MAN2B1: variants seen among roughly 807,000 people sequenced by gnomAD.
MAN2B1 encodes mannosidase alpha class 2B member 1.
MAN2B1 carries 99 observed loss-of-function variants against 127.5 expected under a neutral mutation model. The ratio of observed to expected loss-of-function variants is 0.78; its 90% CI spans 0.66 to 0.92. The LOEUF (loss-of-function observed/expected upper bound fraction) is 0.92. Among genes scored for constraint, MAN2B1 ranks in the 40% least tolerant of loss-of-function variants. MAN2B1 has a pLI of 0.00. For synonymous variants in MAN2B1, 573 were observed against 568.8 expected (o/e 1.01, Z -0.11); for missense variants, 1,304 against 1,384.8 (o/e 0.94, Z 0.93).
intron 5 of MAN2B1, 106 bp from the exon 6 acceptor site, chr19:12,663,568 T>C (rs533637727): frequency 1.9e-6 from 3 of 1,561,094 alleles, no homozygotes; most frequent in South Asian, 1.1e-5. Flanking sequence ...TGTGTCCCAA[T>C]GCAAAAGGAA....
rs201448121 is a variant in MAN2B1, at chr19:12,663,748, G to A, written c.718C>T (p.Arg240Trp). The A allele has an allele frequency of 2.0e-4, 318 of 1,613,972 alleles. No homozygotes were observed. The highest frequency in any genetic ancestry group is 2.3e-4 in the Non-Finnish European group (266 of 1,179,972). ...GGGGGCTTCAGGCTGGTGCTGGCCC[G>A]CCACACCTGCTCCATCTCCAGCTTC... ...MQKLEMEQVWRASTSLKPPTA... is the reference protein window; with the variant it reads ...MQKLEMEQVWWASTSLKPPTA... Residue 240 changes from arginine to tryptophan, a missense_variant, in exon 5 of 24, where the codon CGG (arginine) becomes TGG (tryptophan). Coordinates refer to ENST00000456935, the MANE Select transcript of MAN2B1 (RefSeq NM_000528.4).
rs997573708 is a variant in MAN2B1, at chr19:12,647,983, T to C, written c.2664+192A>G. On this transcript the variant is annotated intron_variant, in intron 21 of 23. Coordinates refer to ENST00000456935, the MANE Select transcript of MAN2B1 (RefSeq NM_000528.4). This position sits in a 1 kb window ranked among gnomAD's most constrained non-coding sequence, Gnocchi z 4.9. ...TAGGGGCATGAGCTAGGGCTGTGCC[T>C]CTACACAGTCCAGGGGGGTTGGGAC... Among the ~76,000 whole-genome samples the C allele has an allele frequency of 2.0e-5, 3 of 151,954 alleles. No individual in the cohort carries two copies. Among genetic ancestry groups the C allele is most frequent in the African/African-American group, 7.3e-5 (3 of 41,358 alleles).
In MAN2B1 at chr19:12,658,510, G is replaced by C. The variant is rs1446601182; in HGVS notation, c.1027C>G (p.Gln343Glu). The change falls in exon 8 of 24, where the codon CAG becomes GAG. Residue 343 changes from glutamine (Q) to glutamate (E), a missense_variant and splice_region_variant. Physicochemically the swap from Gln to Glu is conservative, Grantham distance 29. Coordinates refer to ENST00000456935, the MANE Select transcript of MAN2B1 (RefSeq NM_000528.4). ...ACATGGACACTGCTTCCTTTTGCCT[G>C]CTGCTGGGGGAGGCGACGGAGTGAG... Reference protein sequence around the residue: ...DKLIRLVNAQQAKGSSVHVLY... With the variant: ...DKLIRLVNAQEAKGSSVHVLY... 6.2e-7 allele frequency: 1 copy of C among 1,614,068 alleles called. No homozygotes were observed. The highest frequency in any genetic ancestry group is 8.5e-7 in the Non-Finnish European group (1 of 1,180,002).
intron 14 of MAN2B1, among the ~76,000 whole-genome samples, chr19:12,653,006 G>C (rs536710377): frequency 1.3e-5 from 2 of 151,120 alleles, no homozygotes; most frequent in South Asian, 2.1e-4. Context: ...GCTAATTTTT[G>C]TATTTTTAGT....
rs1180735800 is a variant in MAN2B1, at chr19:12,666,657, G to A, written c.45C>T (p.Cys15=). The A allele has an allele frequency of 6.4e-7, 1 of 1,552,514 alleles. No individual in the cohort carries two copies. Among genetic ancestry groups the A allele is most frequent in the Admixed American group, 2.0e-5 (1 of 51,154 alleles). ...TGGTCCAGGGGCCTGCTGAGTCCAG[G>A]CAGCCGCGAGCGCAGACCCCCGAAG... ...ARASGVCARG[C]LDSAGPWTMS... is the part of the protein sequence containing the mutation. The change falls in exon 1 of 24, where the codon TGC becomes TGT. Residue 15 remains cysteine, a synonymous_variant. Transcript: ENST00000456935.
At chr19:12,663,530 T>C (rs2024158271) in intron 5 of MAN2B1, 68 bp from the exon 6 acceptor site, 12 of 1,598,988 alleles carry the variant, frequency 7.5e-6, no homozygotes, top group Non-Finnish European at 1.0e-5. Context: ...AAGCCGGCCA[T>C]GTCCCACCCA....
intron 5 of MAN2B1, 58 bp downstream of exon 5, chr19:12,663,645 C>T (rs2024160780): frequency 6.4e-7 from 1 of 1,568,478 alleles, no homozygotes; most frequent in Non-Finnish European, 8.6e-7. Flanking sequence ...ATATCAAGCC[C>T]AGGGCCCTTC....
intron 4 of MAN2B1, among the ~76,000 whole-genome samples, chr19:12,664,476 C>G (rs2024179725): frequency 6.6e-6 from 1 of 152,222 alleles, no homozygotes. Context: ...TTAAGGCAGC[C>G]TAGGCATCCA....
In MAN2B1 at chr19:12,654,409, T is replaced by C. The variant is rs185727382; in HGVS notation, c.1830+1285A>G. On this transcript the variant is annotated intron_variant, in intron 14 of 23. Coordinates refer to ENST00000456935, the MANE Select transcript of MAN2B1 (RefSeq NM_000528.4). ...TTCCAGGGCCAGTGCAGTCAACCCC[T>C]TCCAGGTCCCTGCACTTCCACACTG... 3.5e-4 allele frequency among the ~76,000 whole-genome samples: 53 copies of C among 152,218 alleles called. No individual in the cohort carries two copies. In the East Asian group the frequency reaches 6.4e-3, roughly 18 times the overall value.
chr19:12,666,545 C>T lies in MAN2B1; in HGVS notation c.157G>A (p.Glu53Lys). 1 of 1,582,122 alleles carries T rather than the reference C, an allele frequency of 6.3e-7. No individual in the cohort carries two copies. Among genetic ancestry groups the T allele is most frequent in the Non-Finnish European group, 8.6e-7 (1 of 1,164,404 alleles). The change falls in exon 1 of 24, where the codon GAG becomes AAG. Residue 53 changes from glutamate to lysine, a missense_variant and splice_region_variant. Physicochemically the swap from Glu to Lys is moderately conservative, Grantham distance 56. Transcript: ENST00000456935. ...AAAGARAGGY[E>K]TCPTVQPNML... ...TTCAGCTCGGAGGCCCCACTCACCTCGTATCCCCCGGCCCGAGCACCGGCA... is the reference window on the plus strand; with the variant it reads ...TTCAGCTCGGAGGCCCCACTCACCTTGTATCCCCCGGCCCGAGCACCGGCA...
At chr19:12,657,137 C>T in intron 11 of MAN2B1, 81 bp from the exon 12 acceptor site, 1 of 859,168 alleles carries the variant, frequency 1.2e-6, no homozygotes. Context: ...CGCCCCGTTC[C>T]GGTCTCTGTC....
At chr19:12,656,822 G>A in intron 12 of MAN2B1, 127 bp downstream of exon 12, 1 of 1,038,760 alleles carries the variant, frequency 9.6e-7, no homozygotes, top group South Asian at 1.3e-5. Context: ...GAGATGCGTT[G>A]TTCTCTCTGC....
chr19:12,651,530 C>A (rs993017793), intron 16 of MAN2B1, among the ~76,000 whole-genome samples: 2 of 152,222 alleles, frequency 1.3e-5, no homozygotes, highest in African/African-American at 4.8e-5. Context: ...ATTCTAGTCA[C>A]AGTTAATTTG....
chr19:12,657,677 G>T (rs758108616), intron 10 of MAN2B1, 122 bp from the exon 11 acceptor site: 19 of 882,364 alleles, frequency 2.2e-5, no homozygotes, highest in Non-Finnish European at 3.2e-5. Flanking sequence ...ACTCGAGGAC[G>T]GCTGGGGGCG....
Position 12,649,445 on chromosome 19 carries a change from GCT to G in MAN2B1, c.2268-19_2268-18del. 2 of 1,489,864 alleles carry G rather than the reference GCT, an allele frequency of 1.3e-6. No individual in the cohort carries two copies. Among genetic ancestry groups the G allele is most frequent in the Non-Finnish European group, 1.9e-6 (2 of 1,071,492 alleles). 92.3% of individuals were successfully genotyped at this position (1,489,864 alleles called of 1,614,324 possible). A position where few individuals can be genotyped will look rare whatever the true frequency, so the allele number is the denominator to read the frequency against. ...TAATCCCGCCTGGGGTTGGGGGTGA[GCT>G]GATCAGGCTTGGGATCTGGCTCCCC... On this transcript the variant is annotated intron_variant, in intron 18 of 23. Transcript: ENST00000456935.
intron 4 of MAN2B1, among the ~76,000 whole-genome samples, chr19:12,664,408 T>A (rs2024178112): frequency 1.3e-5 from 2 of 151,608 alleles, no homozygotes; most frequent in Admixed American, 1.3e-4. Flanking sequence ...AGGAATGAGG[T>A]TCCCCCTTCC....
rs530923717 is a variant in MAN2B1 at position 12,648,460 on chromosome 19, C to A, written c.2437-58G>T. Reference sequence around the variant, plus strand: ...TCGTGGGTTTGTGGGTGTCCTTGGGCCAGAAACTGGGTAAGGGCGTGTGGG... The same window carrying A: ...TCGTGGGTTTGTGGGTGTCCTTGGGACAGAAACTGGGTAAGGGCGTGTGGG... On this transcript the variant is annotated intron_variant, in intron 20 of 23. Transcript: ENST00000456935. 255 of 1,298,186 alleles carry A rather than the reference C, an allele frequency of 2.0e-4. 4 individuals are homozygous for A. The Middle Eastern group carries it at 2.8e-3, about 14-fold the overall frequency. The allele number at this position is 1,298,186 out of a possible 1,614,324, so 80.4% of individuals were successfully genotyped here. A position where few individuals can be genotyped will look rare whatever the true frequency, so the allele number is the denominator to read the frequency against.
intron 2 of MAN2B1, 83 bp downstream of exon 2, chr19:12,665,620 C>T: frequency 6.3e-7 from 1 of 1,585,140 alleles, no homozygotes; most frequent in Non-Finnish European, 8.7e-7. Flanking sequence ...TAGGGTAGCA[C>T]TGGCCCCACC....
chr19:12,657,205 C>T (rs1236425199), intron 11 of MAN2B1, 149 bp from the exon 12 acceptor site: 2 of 713,446 alleles, frequency 2.8e-6, no homozygotes, highest in Non-Finnish European at 5.0e-6. Context: ...CTGCCCTTGA[C>T]TATACCCCAT....
Sources: allele counts gnomAD v4.1 joint callset (sites outside exome capture counted in the v4.1 genomes callset), GRCh38; gene constraint gnomAD v4.1.1; non-coding constraint Gnocchi (gnomAD v3.1); transcripts MANE v1.5; gene names NCBI Gene and HGNC (gene_info 2026-07-23, HGNC 2026-07-21).